Variants in COL5A2 observed in about 807,000 individuals in gnomAD.
COL5A2 encodes the protein collagen alpha-2(V) chain.
Under a neutral mutation model 208.2 loss-of-function variants are expected in COL5A2, and 23 were observed. The observed-to-expected ratio is 0.11, with a 90% CI of 0.08 to 0.16. COL5A2 has a LOEUF of 0.16. Ranked by LOEUF, COL5A2 falls within the 10% of genes least tolerant of loss-of-function variation. COL5A2 has a pLI of 1.00. For missense variants in COL5A2, 1,590 were observed against 1,956.4 expected, an observed-to-expected ratio of 0.81 and a Z score of 3.53; for synonymous variants, 625 against 628.5, an observed-to-expected ratio of 0.99 and a Z score of 0.08.
In COL5A2 at chr2:189,042,705, C is replaced by A. The variant is rs2153506949; in HGVS notation, c.3525+15G>T. Reference sequence around the variant, plus strand: ...TATTATTTACACCTGCAACTTACTACTTTTTGTTACTTACTCTTGGGCCAA... The same window carrying A: ...TATTATTTACACCTGCAACTTACTAATTTTTGTTACTTACTCTTGGGCCAA... On this transcript the variant is annotated intron_variant, in intron 49 of 53. Transcript: ENST00000374866. 6.2e-7 allele frequency: 1 copy of A among 1,605,082 alleles called. No homozygotes were observed. The highest frequency in any genetic ancestry group is 8.5e-7 in the Non-Finnish European group (1 of 1,174,356).
intron 7 of COL5A2, among the ~76,000 whole-genome samples, chr2:189,090,047 A>G (rs2105661964): frequency 6.6e-6 from 1 of 152,330 alleles, no homozygotes; most frequent in African/African-American, 2.4e-5. Context: ...TAAGGAAGGC[A>G]TATTGAAACC....
chr2:189,309,472 C>A, the COL5A2 span, among the ~76,000 whole-genome samples: 1 of 152,162 alleles, frequency 6.6e-6, no homozygotes, highest in Admixed American at 6.5e-5. Flanking sequence ...CAGGCCACTG[C>A]GCATGCAGAC....
chr2:189,350,547 C>T, the COL5A2 span, among the ~76,000 whole-genome samples: 3 of 152,234 alleles, frequency 2.0e-5, no homozygotes, highest in East Asian at 3.9e-4. Flanking sequence ...TGTGAAGGCC[C>T]GTCATGATAA....
intron 1 of COL5A2, among the ~76,000 whole-genome samples, chr2:189,189,330 A>G (rs1054168609): frequency 6.6e-6 from 1 of 152,326 alleles, no homozygotes; most frequent in Non-Finnish European, 1.5e-5. Context: ...TGTGCTCACA[A>G]TCCCTGCCAT....
chr2:189,086,237 T>C (rs1686658929), intron 9 of COL5A2, among the ~76,000 whole-genome samples: 1 of 152,178 alleles, frequency 6.6e-6, no homozygotes, highest in Admixed American at 6.5e-5. Context: ...ATTGCTATAA[T>C]AAATAAAAAT....
the COL5A2 span, among the ~76,000 whole-genome samples, chr2:189,341,828 A>G: frequency 0.035 from 5,378 of 152,264 alleles, 111 homozygotes; most frequent in Admixed American, 0.05. Flanking sequence ...CTTGATTTTA[A>G]TAATGTTACT....
the COL5A2 span, among the ~76,000 whole-genome samples, chr2:189,285,552 T>C: frequency 6.6e-6 from 1 of 152,036 alleles, no homozygotes; most frequent in African/African-American, 2.4e-5. Context: ...AAAACTGAAG[T>C]TGAGATGAAA....
the COL5A2 span, among the ~76,000 whole-genome samples, chr2:189,318,096 C>T: frequency 2.0e-5 from 3 of 152,074 alleles, no homozygotes; most frequent in Non-Finnish European, 2.9e-5. Context: ...AAGATATTAT[C>T]GTGCTGTTTT....
chr2:189,058,388 T>G (rs1345896001), intron 33 of COL5A2, 41 bp downstream of exon 33: 2 of 1,488,520 alleles, frequency 1.3e-6, no homozygotes. Context: ...AAGCAGTAAT[T>G]TTAAAGCATT....
chr2:189,322,686 T>A, the COL5A2 span, among the ~76,000 whole-genome samples: 2 of 152,152 alleles, frequency 1.3e-5, no homozygotes, highest in African/African-American at 4.8e-5. Flanking sequence ...CAACAATTAA[T>A]AGCTTAGCAA....
Position 189,035,123 on chromosome 2 carries a change from T to C in COL5A2, c.4146A>G (p.Thr1382=), listed in dbSNP as rs750751578. ...GCAAAAAAGTCATCTGAGTAATGGC[T>C]GTATTAGGTGATTGGTGGTCTCCAT... ...FAYGDHQSPN[T]AITQMTFLRL... The change falls in exon 53 of 54, where the codon ACA becomes ACG. Residue 1382 remains threonine (T), a synonymous_variant. Coordinates refer to ENST00000374866, the MANE Select transcript of COL5A2 (RefSeq NM_000393.5). The C allele has an allele frequency of 5.6e-6, 9 of 1,613,908 alleles. No individual in the cohort carries two copies. In the South Asian group the frequency reaches 9.9e-5, roughly 18 times the overall value.
chr2:189,111,285 C>T (rs1687255262), intron 1 of COL5A2, among the ~76,000 whole-genome samples: 1 of 152,154 alleles, frequency 6.6e-6, no homozygotes, highest in Non-Finnish European at 1.5e-5. Flanking sequence ...TATACATTTA[C>T]TAACAAGTAA....
At chr2:189,288,081 T>C in the COL5A2 span, among the ~76,000 whole-genome samples, 1 of 152,052 alleles carries the variant, frequency 6.6e-6, no homozygotes, top group Non-Finnish European at 1.5e-5. Flanking sequence ...AAAGAAAGTA[T>C]GCCACCTGCT....
chr2:189,276,850 A>G, the COL5A2 span, among the ~76,000 whole-genome samples: 13 of 152,114 alleles, frequency 8.5e-5, no homozygotes, highest in Non-Finnish European at 1.8e-4. Flanking sequence ...TCTCTTGGAT[A>G]TATTACTTAA....
At chr2:189,400,219 A>T in the COL5A2 span, among the ~76,000 whole-genome samples, 1 of 152,118 alleles carries the variant, frequency 6.6e-6, no homozygotes, top group Non-Finnish European at 1.5e-5. Context: ...TGTGGCTTGA[A>T]TTCTCTAATT....
At chr2:189,048,405 C>A (rs1483967778) in intron 44 of COL5A2, 143 bp from the exon 45 acceptor site, 2 of 668,036 alleles carry the variant, frequency 3.0e-6, no homozygotes, top group Non-Finnish European at 5.3e-6. Flanking sequence ...AGCAGAAGAA[C>A]GGTTTCTACC....
chr2:189,121,529 G>A (rs966447217), intron 1 of COL5A2, among the ~76,000 whole-genome samples: 2 of 151,930 alleles, frequency 1.3e-5, no homozygotes, highest in Non-Finnish European at 1.5e-5. Flanking sequence ...GCGGTGGTGC[G>A]GGCCAGCAGT....
the COL5A2 span, among the ~76,000 whole-genome samples, chr2:189,417,062 A>T: frequency 2.2e-4 from 34 of 152,256 alleles, no homozygotes; most frequent in Admixed American, 2.2e-3. Context: ...GCTATTTTTT[A>T]TGGCATAAGG....
the COL5A2 span, among the ~76,000 whole-genome samples, chr2:189,434,829 T>C: frequency 2.0e-5 from 3 of 152,182 alleles, no homozygotes; most frequent in Non-Finnish European, 4.4e-5. Context: ...AAAACTACTT[T>C]AAAGTTCATA....
Sources: gnomAD v4.1 joint callset for allele counts (sites outside exome capture counted in the v4.1 genomes callset) on GRCh38, gnomAD v4.1.1 for gene constraint, MANE v1.5 for transcripts, NCBI Gene and HGNC (gene_info 2026-07-23, HGNC 2026-07-21) for gene names.